Variants in UXS1 observed in about 807,000 individuals in gnomAD.
The protein encoded by UXS1 is UDP-glucuronate decarboxylase 1, also known as UDP-glucuronic acid decarboxylase 1.
Under a neutral mutation model 62.6 loss-of-function variants are expected in UXS1, and 33 were observed. That is an observed-to-expected ratio of 0.53 (90% confidence interval 0.40 to 0.70). UXS1 has a LOEUF of 0.70. UXS1 is among the 30% of genes least tolerant of loss of function. UXS1 has a pLI of 0.00. For synonymous variants in UXS1, 213 were observed against 206.8 expected (o/e 1.03, Z -0.26); for missense variants, 434 against 556.3 (o/e 0.78, Z 2.21).
intron 1 of UXS1, among the ~76,000 whole-genome samples, chr2:106,181,829 G>A (rs542379782): frequency 6.6e-6 from 1 of 152,332 alleles, no homozygotes; most frequent in African/African-American, 2.4e-5. Context: ...AAACCTAGGA[G>A]TGCTAACGCT....
chr2:106,124,050 GA>G (rs1429633458), intron 8 of UXS1, among the ~76,000 whole-genome samples: 2 of 152,224 alleles, frequency 1.3e-5, no homozygotes, highest in African/African-American at 4.8e-5. Context: ...GTGCTGCAAA[GA>G]AAGGTCTATG....
chr2:106,146,527 C>T (rs1681579513), intron 5 of UXS1, among the ~76,000 whole-genome samples: 1 of 151,934 alleles, frequency 6.6e-6, no homozygotes, highest in South Asian at 2.1e-4. Flanking sequence ...GCCTGTAATC[C>T]CAGCACTTTG....
chr2:106,104,720 G>T, intron 11 of UXS1, 74 bp downstream of exon 11: 1 of 1,555,310 alleles, frequency 6.4e-7, no homozygotes, highest in South Asian at 1.1e-5. Context: ...ACAAGACACT[G>T]AACTGTCTGT....
intron 9 of UXS1, among the ~76,000 whole-genome samples, chr2:106,119,047 A>C (rs2104908821): frequency 6.6e-6 from 1 of 152,290 alleles, no homozygotes; most frequent in Non-Finnish European, 1.5e-5. Context: ...AAAGTTTTAA[A>C]TTTTCTCCCC....
chr2:106,184,493 G>T (rs905601633), intron 1 of UXS1, among the ~76,000 whole-genome samples: 1 of 152,210 alleles, frequency 6.6e-6, no homozygotes, highest in Non-Finnish European at 1.5e-5. Flanking sequence ...ACAGTGGGTG[G>T]CTAATAAACA....
intron 6 of UXS1, among the ~76,000 whole-genome samples, chr2:106,136,804 C>A (rs1373194419): frequency 1.2e-5 from 1 of 86,200 alleles, no homozygotes; most frequent in Non-Finnish European, 2.2e-5. Flanking sequence ...GGAGATATAC[C>A]TAATGCTAGA....
chr2:106,097,072 G>A (rs897137349), intron 13 of UXS1: 2 of 616,260 alleles, frequency 3.2e-6, no homozygotes, highest in Non-Finnish European at 3.0e-6. Context: ...TGGGGGGCAG[G>A]TTATTCTGTC....
chr2:106,101,261 A>C, intron 11 of UXS1, 143 bp from the exon 12 acceptor site: 1 of 745,760 alleles, frequency 1.3e-6, no homozygotes, highest in South Asian at 2.0e-5. Context: ...GTCGAAACAA[A>C]ATCCTACAAA....
chr2:106,167,764 T>C (rs576483659), intron 1 of UXS1, among the ~76,000 whole-genome samples: 1 of 152,298 alleles, frequency 6.6e-6, no homozygotes, highest in Non-Finnish European at 1.5e-5. Flanking sequence ...AGTAACTCCA[T>C]CTTGAACAGT....
At chr2:106,181,207 T>C (rs6543381) in intron 1 of UXS1, among the ~76,000 whole-genome samples, 149,081 of 152,194 alleles carry the variant, frequency 0.98, 73,076 homozygotes, top group South Asian at 1. Flanking sequence ...CCCTCATCCT[T>C]ACAGGCACAT....
intron 9 of UXS1, among the ~76,000 whole-genome samples, chr2:106,113,729 A>C (rs960292221): frequency 1.3e-5 from 2 of 152,242 alleles, no homozygotes; most frequent in African/African-American, 4.8e-5. Context: ...ACCTGAGGGC[A>C]GGGAGCCTGG....
chr2:106,101,527 T>C lies in UXS1; in HGVS notation c.924-409A>G, dbSNP rs78730480. 4.9e-3 allele frequency: 827 copies of C among 168,290 alleles called. 11 individuals are homozygous for C. Among genetic ancestry groups the C allele is most frequent in the African/African-American group, 0.019 (787 of 41,822 alleles). 10.4% of individuals were successfully genotyped at this position (168,290 alleles called of 1,614,324 possible). The stretch of plus-strand genomic sequence containing the variant: ...TTCATGTTTAATGTGAACCCAGTAG[T>C]TGACCTGTACGAAAGCACATGATTA... On this transcript the variant is annotated intron_variant, in intron 11 of 14. Coordinates refer to ENST00000283148, the MANE Select transcript of UXS1 (RefSeq NM_001253875.2).
intron 9 of UXS1, among the ~76,000 whole-genome samples, chr2:106,117,532 T>A (rs989602349): frequency 2.1e-5 from 3 of 142,264 alleles, no homozygotes; most frequent in African/African-American, 8.2e-5. Flanking sequence ...CACCGAACAC[T>A]GTAACGTGAT....
intron 1 of UXS1, among the ~76,000 whole-genome samples, chr2:106,178,141 T>TCC (rs912771650): frequency 1.8e-4 from 27 of 152,172 alleles, no homozygotes; most frequent in African/African-American, 6.5e-4. Context: ...CTTCCATGTG[T>TCC]CCCCCATCTC....
At chr2:106,114,344 C>G (rs982767809) in intron 9 of UXS1, among the ~76,000 whole-genome samples, 1 of 152,134 alleles carries the variant, frequency 6.6e-6, no homozygotes, top group Non-Finnish European at 1.5e-5. Flanking sequence ...AAGATATGAG[C>G]TAAGTCCAAG....
At chr2:106,129,955 G>T (rs533567197) in intron 6 of UXS1, among the ~76,000 whole-genome samples, 177 bp from the exon 7 acceptor site, 1 of 152,118 alleles carries the variant, frequency 6.6e-6, no homozygotes, top group African/African-American at 2.4e-5. Context: ...AACAAAAATA[G>T]AAAGTCTAAT....
intron 3 of UXS1, among the ~76,000 whole-genome samples, 177 bp from the exon 4 acceptor site, chr2:106,163,887 A>G (rs1006044249): frequency 9.2e-5 from 14 of 152,186 alleles, no homozygotes; most frequent in Admixed American, 7.2e-4. Flanking sequence ...GAACAGATAA[A>G]CTGTCCATTT....
At chr2:106,177,018 G>T (rs1683923659) in intron 1 of UXS1, among the ~76,000 whole-genome samples, 1 of 152,134 alleles carries the variant, frequency 6.6e-6, no homozygotes, top group Non-Finnish European at 1.5e-5. Flanking sequence ...TTTGCCCCAA[G>T]ATGTCACCTT....
intron 9 of UXS1, among the ~76,000 whole-genome samples, chr2:106,120,438 G>A (rs146959213): frequency 1.2e-3 from 188 of 152,310 alleles, no homozygotes; most frequent in African/African-American, 4.0e-3. Context: ...AGGGTCCGTG[G>A]GAAAGGGTGG....
Sources: gnomAD v4.1 joint callset for allele counts (sites outside exome capture counted in the v4.1 genomes callset) on GRCh38, gnomAD v4.1.1 for gene constraint, MANE v1.5 for transcripts, NCBI Gene and HGNC (gene_info 2026-07-23, HGNC 2026-07-21) for gene names.